The following SEPSECS variants were observed in gnomAD, a reference collection of about 807,000 sequenced individuals.
SEPSECS encodes Sep (O-phosphoserine) tRNA:Sec (selenocysteine) tRNA synthase.
In SEPSECS, 42 loss-of-function variants were observed where a neutral mutation model predicts 52.1. The ratio of observed to expected loss-of-function variants is 0.81; its 90% CI spans 0.63 to 1.04. SEPSECS has a LOEUF of 1.04. SEPSECS is among the 50% of genes least tolerant of loss of function. The pLI, the probability that SEPSECS is intolerant of heterozygous loss-of-function variation, is 0.00. For synonymous variants in SEPSECS, 216 were observed against 211.4 expected, an observed-to-expected ratio of 1.02 and a Z score of -0.19; for missense variants, 590 against 610.6, an observed-to-expected ratio of 0.97 and a Z score of 0.36.
At chr4:25,142,322 T>C (rs1379835000) in intron 8 of SEPSECS, among the ~76,000 whole-genome samples, 2 of 152,116 alleles carry the variant, frequency 1.3e-5, no homozygotes, top group East Asian at 1.9e-4. Flanking sequence ...CTAATCACTA[T>C]ATTTAAAAAT....
rs539107448 is a variant in SEPSECS at position 25,160,014 on chromosome 4, C to A, written c.114+242G>T. ...TTCCGCATCCCGAAGTTAGAAACAG[C>A]GGGACTCAAAACCCCGACCCCAACA... On this transcript the variant is annotated intron_variant, in intron 1 of 10. Coordinates refer to ENST00000382103, the MANE Select transcript of SEPSECS (RefSeq NM_016955.4). The A allele has an allele frequency of 1.2e-5, 12 of 985,400 alleles. No homozygotes were observed. The East Asian group carries it at 1.2e-3, about 103-fold the overall frequency. 61.0% of individuals were successfully genotyped at this position (985,400 alleles called of 1,614,324 possible). A position where few individuals can be genotyped will look rare whatever the true frequency, so the allele number is the denominator to read the frequency against.
At position 25,125,640 on chromosome 4, in the gene SEPSECS, T is replaced by C. The variant is rs1001789384; in HGVS notation, c.1211+54A>G. On this transcript the variant is annotated intron_variant, in intron 10 of 10. Transcript: ENST00000382103. ...CTATTGTTGAGGAAAGGTATTTTAC[T>C]GGAGTTAAGTTTGAAAAGACAAATA... 35 of 1,118,026 alleles carry C rather than the reference T, an allele frequency of 3.1e-5. No homozygotes were observed. The East Asian group carries it at 6.2e-4, about 20-fold the overall frequency. 69.3% of individuals were successfully genotyped at this position (1,118,026 alleles called of 1,614,324 possible). A position where few individuals can be genotyped will look rare whatever the true frequency, so the allele number is the denominator to read the frequency against.
At chr4:25,159,493 C>A in intron 1 of SEPSECS, 2 of 366,162 alleles carry the variant, frequency 5.5e-6, no homozygotes, top group South Asian at 1.9e-5. Context: ...TTTGGCCACG[C>A]GCTGTAGCTC....
chr4:25,124,301 T>C, intron 10 of SEPSECS, 76 bp from the exon 11 acceptor site: 1 of 1,394,206 alleles, frequency 7.2e-7, no homozygotes, highest in Non-Finnish European at 1.0e-6. Flanking sequence ...AAAAGATATG[T>C]GTTACAAAGC....
intron 8 of SEPSECS, among the ~76,000 whole-genome samples, chr4:25,138,841 C>T (rs2109015740): frequency 6.6e-6 from 1 of 152,266 alleles, no homozygotes; most frequent in South Asian, 2.1e-4. Context: ...GTTGTCTAAG[C>T]CCTCCTTCTG....
In SEPSECS at chr4:25,120,486, T is replaced by A. The variant is rs757327984; in HGVS notation, c.*3445A>T. ...GACAGACAAGGAAAAAACTGACTAATAGAACCTTTTCTTAAAAAGCTGTTA... is the reference window on the plus strand; with the variant it reads ...GACAGACAAGGAAAAAACTGACTAAAAGAACCTTTTCTTAAAAAGCTGTTA... On this transcript the variant is annotated 3_prime_UTR_variant, in exon 11 of 11. Coordinates refer to ENST00000382103, the MANE Select transcript of SEPSECS (RefSeq NM_016955.4). 1 of 152,184 alleles carries A rather than the reference T, an allele frequency of 6.6e-6. No individual in the cohort carries two copies. Among genetic ancestry groups the A allele is most frequent in the Non-Finnish European group, 1.5e-5 (1 of 68,000 alleles). The allele number at this position is 152,184 out of a possible 1,614,324, so 9.4% of individuals were successfully genotyped here. A position where few individuals can be genotyped will look rare whatever the true frequency, so the allele number is the denominator to read the frequency against.
At position 25,123,869 on chromosome 4, in the gene SEPSECS, T is replaced by A. The variant is rs999205440; in HGVS notation, c.*62A>T. 2 of 1,398,378 alleles carry A rather than the reference T, an allele frequency of 1.4e-6. No individual in the cohort carries two copies. Among genetic ancestry groups the A allele is most frequent in the African/African-American group, 2.8e-5 (2 of 70,446 alleles). 86.6% of individuals were successfully genotyped at this position (1,398,378 alleles called of 1,614,324 possible). A position where few individuals can be genotyped will look rare whatever the true frequency, so the allele number is the denominator to read the frequency against. ...AAAATCTCAAGTCTTATCTTTAAAC[T>A]GCTTGCTTGTACTACAGCCTTATCA... is the stretch of plus-strand genomic sequence containing the variant. On this transcript the variant is annotated 3_prime_UTR_variant, in exon 11 of 11. Transcript: ENST00000382103.
At chr4:25,135,883 G>T (rs1198697661) in intron 8 of SEPSECS, among the ~76,000 whole-genome samples, 1 of 152,134 alleles carries the variant, frequency 6.6e-6, no homozygotes, top group Non-Finnish European at 1.5e-5. Context: ...ACCCCAGGAT[G>T]CAAGGCTGGT....
intron 6 of SEPSECS, among the ~76,000 whole-genome samples, chr4:25,147,933 A>G (rs1712064474): frequency 6.6e-6 from 1 of 152,154 alleles, no homozygotes; most frequent in Non-Finnish European, 1.5e-5. Flanking sequence ...ACTGAACTAG[A>G]TGGGCTATTT....
At position 25,124,184 on chromosome 4, in the gene SEPSECS, G is replaced by C. The variant is rs1397687036; in HGVS notation, c.1253C>G (p.Thr418Ser). Reference sequence around the variant, plus strand: ...TGTATGTGACATAAAGCCTCTGAAAGTATAGCCACTCACAGTTTGCATGGA... The same window carrying C: ...TGTATGTGACATAAAGCCTCTGAAACTATAGCCACTCACAGTTTGCATGGA... ...LGSMQTVSGYTFRGFMSHTNN... is the reference protein window; with the variant it reads ...LGSMQTVSGYSFRGFMSHTNN... The change falls in exon 11 of 11, where the codon ACT (threonine) becomes AGT (serine). Residue 418 changes from threonine (T) to serine (S), a missense_variant. By Grantham distance (58) the Thr-to-Ser change is moderately conservative. Transcript: ENST00000382103. 1 of 1,613,558 alleles carries C rather than the reference G, an allele frequency of 6.2e-7. No homozygotes were observed. Among genetic ancestry groups the C allele is most frequent in the South Asian group, 1.1e-5 (1 of 91,062 alleles).
At chr4:25,158,679 A>C (rs1026928629) in intron 2 of SEPSECS, among the ~76,000 whole-genome samples, 1 of 152,182 alleles carries the variant, frequency 6.6e-6, no homozygotes, top group Non-Finnish European at 1.5e-5. Context: ...TATTAGGGTA[A>C]CCGTTCCTAA....
At chr4:25,136,024 C>T (rs780011445) in intron 8 of SEPSECS, among the ~76,000 whole-genome samples, 1 of 152,144 alleles carries the variant, frequency 6.6e-6, no homozygotes, top group East Asian at 1.9e-4. Context: ...TAAAAACTCT[C>T]AATAAATTAG....
chr4:25,148,609 T>G (rs1712129870), intron 6 of SEPSECS, among the ~76,000 whole-genome samples: 1 of 152,188 alleles, frequency 6.6e-6, no homozygotes, highest in Non-Finnish European at 1.5e-5. Context: ...TTTTTTTGTT[T>G]TAAAGAAATG....
In SEPSECS at chr4:25,126,348, G is replaced by A. The variant is rs576906758; in HGVS notation, c.1121-564C>T. ...TCAGAGGCTAGGACATGGAAGATTC[G>A]GAATTCAAGCTACACAATATCACCT... On this transcript the variant is annotated intron_variant, in intron 9 of 10. Transcript: ENST00000382103. 6.6e-4 allele frequency among the ~76,000 whole-genome samples: 101 copies of A among 152,014 alleles called. 1 individual carries two copies. The South Asian group carries it at 0.02, about 30-fold the overall frequency.
intron 8 of SEPSECS, among the ~76,000 whole-genome samples, chr4:25,133,740 A>G (rs560427430): frequency 6.6e-6 from 1 of 152,232 alleles, no homozygotes; most frequent in South Asian, 2.1e-4. Flanking sequence ...CCTTTTCACA[A>G]GTTTTTGACT....
Position 25,155,128 on chromosome 4 carries a change from T to C in SEPSECS, c.571A>G (p.Asn191Asp). The change falls in exon 5 of 11, where the codon AAT becomes GAT. Residue 191 changes from asparagine to aspartate, a missense_variant. Coordinates refer to ENST00000382103, the MANE Select transcript of SEPSECS (RefSeq NM_016955.4). ...CGCAGCTCGTCACCTTCCAAAACATTTTCTATCACCACAGGCTCAAAACCT... is the reference window on the plus strand; with the variant it reads ...CGCAGCTCGTCACCTTCCAAAACATCTTCTATCACCACAGGCTCAAAACCT... ...TAGFEPVVIENVLEGDELRTD... is the reference protein window; with the variant it reads ...TAGFEPVVIEDVLEGDELRTD... 2 of 1,614,078 alleles carry C rather than the reference T, an allele frequency of 1.2e-6. No individual in the cohort carries two copies. The highest frequency in any genetic ancestry group is 1.7e-6 in the Non-Finnish European group (2 of 1,180,012).
chr4:25,133,780 T>C (rs1210322841), intron 8 of SEPSECS, among the ~76,000 whole-genome samples: 1 of 151,770 alleles, frequency 6.6e-6, no homozygotes, highest in African/African-American at 2.4e-5. Context: ...TTTAGAGAAA[T>C]GTTTCTATAA....
At chr4:25,160,506 A>C, upstream of SEPSECS, 3 of 658,700 alleles carry the variant, frequency 4.6e-6, no homozygotes, top group Non-Finnish European at 7.8e-6. Context: ...AACAAAACAA[A>C]ACAAAAAAAA....
chr4:25,131,566 C>A (rs973289110), intron 8 of SEPSECS, among the ~76,000 whole-genome samples: 1 of 152,268 alleles, frequency 6.6e-6, no homozygotes, highest in East Asian at 1.9e-4. Flanking sequence ...GAGGCTACAC[C>A]CATCTGCATT....
Sources: allele counts gnomAD v4.1 joint callset (sites outside exome capture counted in the v4.1 genomes callset), GRCh38; gene constraint gnomAD v4.1.1; transcripts MANE v1.5; gene names NCBI Gene and HGNC (gene_info 2026-07-23, HGNC 2026-07-21).